Variants in HSD17B4 observed in about 807,000 individuals in gnomAD.
HSD17B4 encodes peroxisomal multifunctional enzyme type 2.
Under a neutral mutation model 101.0 loss-of-function variants are expected in HSD17B4, and 70 were observed. The observed-to-expected ratio is 0.69, with a 90% CI of 0.57 to 0.85. The LOEUF is 0.85. Among genes scored for constraint, HSD17B4 ranks in the 40% least tolerant of loss-of-function variants. The pLI is 0.00. For synonymous variants in HSD17B4, 347 were observed against 297.1 expected, an observed-to-expected ratio of 1.17 and a Z score of -1.73; for missense variants, 984 against 892.4, an observed-to-expected ratio of 1.10 and a Z score of -1.31.
intron 2 of HSD17B4, chr5:119,471,619 C>G: frequency 8.4e-7 from 1 of 1,196,806 alleles, no homozygotes; most frequent in Non-Finnish European, 1.1e-6. Context: ...TAATTAGTAA[C>G]TTTTTTATTG....
chr5:119,474,224 GT>G (rs1385572672), intron 3 of HSD17B4, among the ~76,000 whole-genome samples, 176 bp from the exon 4 acceptor site: 1 of 152,030 alleles, frequency 6.6e-6, no homozygotes, highest in Admixed American at 6.5e-5. Context: ...TTGTTCTATT[GT>G]TTACTATTTT....
At chr5:119,479,141 G>C (rs1748878660) in intron 8 of HSD17B4, 120 bp downstream of exon 8, 1 of 770,404 alleles carries the variant, frequency 1.3e-6, no homozygotes, top group Non-Finnish European at 2.1e-6. Flanking sequence ...AATTTCGAAA[G>C]CATTATCTGT....
At chr5:119,485,925 A>G (rs1749576138) in intron 8 of HSD17B4, among the ~76,000 whole-genome samples, 1 of 152,202 alleles carries the variant, frequency 6.6e-6, no homozygotes. Context: ...TAGCCTGGCT[A>G]GGAGGTTCTG....
chr5:119,455,171 A>G (rs1414149842), intron 1 of HSD17B4, among the ~76,000 whole-genome samples: 2 of 152,200 alleles, frequency 1.3e-5, no homozygotes, highest in Non-Finnish European at 2.9e-5. Flanking sequence ...AGAGGTAACC[A>G]CTAATTGCCA....
intron 18 of HSD17B4, 82 bp downstream of exon 18, chr5:119,525,367 T>C (rs961975685): frequency 1.5e-4 from 129 of 852,150 alleles, no homozygotes; most frequent in Non-Finnish European, 2.4e-4. Context: ...CTACTACTTA[T>C]GACTGGTAGT....
At chr5:119,470,896 A>G (rs550919325) in intron 2 of HSD17B4, among the ~76,000 whole-genome samples, 23 of 152,282 alleles carry the variant, frequency 1.5e-4, no homozygotes, top group African/African-American at 5.1e-4. Context: ...GTCAGTGTCA[A>G]TTTAGTGGTC....
intron 17 of HSD17B4, among the ~76,000 whole-genome samples, chr5:119,518,104 G>A (rs1020615982): frequency 5.9e-5 from 9 of 152,052 alleles, no homozygotes; most frequent in Non-Finnish European, 7.4e-5. Flanking sequence ...AACCCGCTCC[G>A]GTCCCCTTCC....
intron 6 of HSD17B4, 48 bp downstream of exon 6, chr5:119,475,918 C>G: frequency 7.4e-7 from 1 of 1,346,026 alleles, no homozygotes; most frequent in Non-Finnish European, 1.1e-6. Context: ...ATCCATTTAG[C>G]CTTTTTAGTA....
chr5:119,491,461 C>CTTTTTTTTTTTTTTT (rs11308278), intron 9 of HSD17B4, among the ~76,000 whole-genome samples: 1 of 131,474 alleles, frequency 7.6e-6, no homozygotes, highest in African/African-American at 2.8e-5. Context: ...ACTCATCAGA[C>CTTTTTTTTTTTTTTT]TTTTTTTTTT....
At chr5:119,505,503 T>C (rs1038560663) in intron 14 of HSD17B4, among the ~76,000 whole-genome samples, 1 of 152,172 alleles carries the variant, frequency 6.6e-6, no homozygotes, top group African/African-American at 2.4e-5. Context: ...TTTTTTGTGC[T>C]ATTGTAAATG....
At chr5:119,485,845 C>G (rs1291380259) in intron 8 of HSD17B4, among the ~76,000 whole-genome samples, 1 of 152,174 alleles carries the variant, frequency 6.6e-6, no homozygotes, top group African/African-American at 2.4e-5. Flanking sequence ...CTGCAGTAAA[C>G]TACTCTAAAA....
chr5:119,484,462 T>G (rs1274859686), intron 8 of HSD17B4, among the ~76,000 whole-genome samples: 1 of 152,196 alleles, frequency 6.6e-6, no homozygotes, highest in Non-Finnish European at 1.5e-5. Flanking sequence ...TTCCACTTTC[T>G]TTAAACATTT....
chr5:119,508,636 G>T (rs1473318717), intron 15 of HSD17B4, among the ~76,000 whole-genome samples: 1 of 152,070 alleles, frequency 6.6e-6, no homozygotes, highest in African/African-American at 2.4e-5. Context: ...CACTTATTAG[G>T]TGCCTTTTTT....
intron 4 of HSD17B4, 127 bp from the exon 5 acceptor site, chr5:119,475,579 C>T: frequency 2.7e-6 from 2 of 746,076 alleles, no homozygotes; most frequent in East Asian, 5.3e-5. Context: ...TTTGAAAGCA[C>T]TCTTTACCTA....
chr5:119,525,149 C>T (rs1264138869), intron 17 of HSD17B4, 67 bp from the exon 18 acceptor site: 11 of 1,047,620 alleles, frequency 1.0e-5, no homozygotes, highest in Non-Finnish European at 1.5e-5. Context: ...AGCCATGTTT[C>T]CTATTTTTCA....
At chr5:119,458,380 G>A (rs1252398319) in intron 2 of HSD17B4, among the ~76,000 whole-genome samples, 1 of 146,306 alleles carries the variant, frequency 6.8e-6, no homozygotes. Flanking sequence ...GTCTTGCTCT[G>A]TTGCCCAGGC....
At chr5:119,529,808 A>G in intron 20 of HSD17B4, 86 bp from the exon 21 acceptor site, 1 of 809,414 alleles carries the variant, frequency 1.2e-6, no homozygotes, top group South Asian at 1.5e-5. Flanking sequence ...CAAAAATAAT[A>G]AATTTTAAAC....
intron 17 of HSD17B4, among the ~76,000 whole-genome samples, chr5:119,518,206 G>C (rs574262857): frequency 1.3e-5 from 2 of 152,204 alleles, no homozygotes; most frequent in Non-Finnish European, 2.9e-5. Context: ...GCTGAAGCCA[G>C]CGAGACCATG....
At chr5:119,519,129 C>G (rs2126851958) in intron 17 of HSD17B4, among the ~76,000 whole-genome samples, 1 of 152,272 alleles carries the variant, frequency 6.6e-6, no homozygotes, top group Non-Finnish European at 1.5e-5. Flanking sequence ...CAGAGCAAGA[C>G]CCTGTCTCAA....
Sources: gnomAD v4.1 joint callset for allele counts (sites outside exome capture counted in the v4.1 genomes callset) on GRCh38, gnomAD v4.1.1 for gene constraint, MANE v1.5 for transcripts, NCBI Gene and HGNC (gene_info 2026-07-23, HGNC 2026-07-21) for gene names.